Variants in LRRTM4 observed in about 807,000 individuals in gnomAD.
LRRTM4 encodes the protein leucine rich repeat transmembrane neuronal 4.
In LRRTM4, 25 loss-of-function variants were observed where a neutral mutation model predicts 47.6. The ratio of observed to expected loss-of-function variants is 0.53; its 90% confidence interval spans 0.38 to 0.73. The LOEUF (loss-of-function observed/expected upper bound fraction) is 0.73. Among genes scored for constraint, LRRTM4 ranks in the 30% least tolerant of loss-of-function variants. The pLI, the probability that LRRTM4 is intolerant of heterozygous loss-of-function variation, is 0.00. For synonymous variants in LRRTM4, 311 were observed against 269.5 expected (o/e 1.15, Z -1.51); for missense variants, 638 against 713.4 (o/e 0.89, Z 1.20).
At chr2:77,231,078 T>A (rs1674948683) in intron 3 of LRRTM4, among the ~76,000 whole-genome samples, 1 of 152,220 alleles carries the variant, frequency 6.6e-6, no homozygotes, top group South Asian at 2.1e-4. Flanking sequence ...TGTTTATTTT[T>A]ACCTAAACTT....
At chr2:76,846,242 T>G (rs75439949) in intron 3 of LRRTM4, among the ~76,000 whole-genome samples, 13,117 of 152,000 alleles carry the variant, frequency 0.086, 598 homozygotes, top group Middle Eastern at 0.15. Context: ...CGGTGCAACA[T>G]TTAAGGCTGG....
chr2:77,056,985 G>T (rs745502173), intron 3 of LRRTM4, among the ~76,000 whole-genome samples: 14 of 152,142 alleles, frequency 9.2e-5, no homozygotes, highest in Admixed American at 1.3e-4. Context: ...ACCACTTGTG[G>T]TAAATAAAGT....
At chr2:77,189,551 T>C (rs1673605543) in intron 3 of LRRTM4, among the ~76,000 whole-genome samples, 1 of 152,106 alleles carries the variant, frequency 6.6e-6, no homozygotes, top group Non-Finnish European at 1.5e-5. Flanking sequence ...GCTCTAGCTC[T>C]CTTTCTGTCA....
chr2:77,222,782 G>A (rs988439071), intron 3 of LRRTM4, among the ~76,000 whole-genome samples: 4 of 152,098 alleles, frequency 2.6e-5, no homozygotes, highest in Non-Finnish European at 4.4e-5. Flanking sequence ...AGAGGTAGAA[G>A]GAGGAGCTGG....
chr2:77,215,602 G>T (rs1198734598), intron 3 of LRRTM4, among the ~76,000 whole-genome samples: 3 of 151,984 alleles, frequency 2.0e-5, no homozygotes, highest in Non-Finnish European at 4.4e-5. Context: ...ATATATTGAA[G>T]ACTTATTTTT....
chr2:77,287,524 C>T (rs910792045), intron 3 of LRRTM4, among the ~76,000 whole-genome samples: 1 of 151,952 alleles, frequency 6.6e-6, no homozygotes, highest in African/African-American at 2.4e-5. Flanking sequence ...GAACCCCAGT[C>T]TGAAAATAAC....
At chr2:77,159,197 C>A (rs780292465) in intron 3 of LRRTM4, among the ~76,000 whole-genome samples, 2 of 152,106 alleles carry the variant, frequency 1.3e-5, no homozygotes, top group East Asian at 1.9e-4. Flanking sequence ...CCAATGTATT[C>A]AAAAATCCAT....
chr2:76,836,528 T>G (rs1212292756), intron 3 of LRRTM4, among the ~76,000 whole-genome samples: 2 of 151,922 alleles, frequency 1.3e-5, no homozygotes, highest in Non-Finnish European at 2.9e-5. Flanking sequence ...CCCTCGCCAT[T>G]TTTAGTTGTA....
At chr2:76,830,771 G>T (rs1671328075) in intron 3 of LRRTM4, among the ~76,000 whole-genome samples, 1 of 151,848 alleles carries the variant, frequency 6.6e-6, no homozygotes, top group East Asian at 1.9e-4. Flanking sequence ...TTTTAAAAAG[G>T]TAAAAATTTC....
At chr2:77,467,275 T>C (rs1677017576) in intron 3 of LRRTM4, among the ~76,000 whole-genome samples, 1 of 152,098 alleles carries the variant, frequency 6.6e-6, no homozygotes, top group African/African-American at 2.4e-5. Context: ...TATTATCAGT[T>C]TGGAATGACC....
chr2:76,847,449 C>A (rs990869285), intron 3 of LRRTM4, among the ~76,000 whole-genome samples: 1 of 152,058 alleles, frequency 6.6e-6, no homozygotes, highest in Non-Finnish European at 1.5e-5. Context: ...GTCATCTTCT[C>A]TTCTTCCTCC....
At chr2:77,246,492 A>T (rs1393630013) in intron 3 of LRRTM4, among the ~76,000 whole-genome samples, 1 of 152,186 alleles carries the variant, frequency 6.6e-6, no homozygotes, top group Non-Finnish European at 1.5e-5. Flanking sequence ...ATTAAATTAA[A>T]TATTTAATTT....
intron 3 of LRRTM4, among the ~76,000 whole-genome samples, chr2:76,950,998 T>A (rs528792659): frequency 6.6e-6 from 1 of 152,088 alleles, no homozygotes; most frequent in Non-Finnish European, 1.5e-5. Flanking sequence ...GATTTAAGAA[T>A]AGATCTGCAT....
intron 3 of LRRTM4, among the ~76,000 whole-genome samples, chr2:76,815,606 T>C (rs1233873578): frequency 7.2e-5 from 11 of 152,172 alleles, no homozygotes; most frequent in African/African-American, 2.4e-4. Flanking sequence ...TACAAGCTTT[T>C]ATTATTAGCT....
At chr2:77,111,264 T>A (rs1671239757) in intron 3 of LRRTM4, among the ~76,000 whole-genome samples, 1 of 150,058 alleles carries the variant, frequency 6.7e-6, no homozygotes, top group African/African-American at 2.5e-5. Context: ...ACTACAGGTG[T>A]GTGTCACCAC....
chr2:76,766,183 A>G (rs1323393960), intron 3 of LRRTM4, among the ~76,000 whole-genome samples: 2 of 152,186 alleles, frequency 1.3e-5, no homozygotes, highest in Admixed American at 6.5e-5. Context: ...ATTACATAGT[A>G]CAGATCTTTA....
intron 3 of LRRTM4, among the ~76,000 whole-genome samples, chr2:77,155,960 A>G: frequency 6.6e-6 from 1 of 152,140 alleles, no homozygotes; most frequent in East Asian, 1.9e-4. Flanking sequence ...GACTGAATCA[A>G]TTTTCAACAT....
At chr2:76,975,977 G>GAA (rs1676405740) in intron 3 of LRRTM4, among the ~76,000 whole-genome samples, 1 of 151,682 alleles carries the variant, frequency 6.6e-6, no homozygotes, top group Non-Finnish European at 1.5e-5. Context: ...TCTGGACTTA[G>GAA]GTTTTCTTCA....
chr2:77,251,051 C>T (rs1042175715), intron 3 of LRRTM4, among the ~76,000 whole-genome samples: 6 of 151,078 alleles, frequency 4.0e-5, no homozygotes, highest in Non-Finnish European at 7.4e-5. Context: ...TGCAGTGAGC[C>T]GAGATAGTGC....
Sources: gnomAD v4.1 joint callset for allele counts (sites outside exome capture counted in the v4.1 genomes callset) on GRCh38, gnomAD v4.1.1 for gene constraint, MANE v1.5 for transcripts, NCBI Gene and HGNC (gene_info 2026-07-23, HGNC 2026-07-21) for gene names.